The following SLC4A10 variants were observed in gnomAD, a reference collection of about 807,000 sequenced individuals.
SLC4A10 encodes the protein solute carrier family 4 member 10.
In SLC4A10, 42 loss-of-function variants were observed where a neutral mutation model predicts 137.7. That is an observed-to-expected ratio of 0.30 (90% CI 0.24 to 0.39). SLC4A10 has a LOEUF of 0.39. Among genes scored for constraint, SLC4A10 ranks in the 10% least tolerant of loss-of-function variants. The pLI is 1.00. For synonymous variants in SLC4A10, 474 were observed against 464.1 expected, an observed-to-expected ratio of 1.02 and a Z score of -0.27; for missense variants, 925 against 1,355.0, an observed-to-expected ratio of 0.68 and a Z score of 4.98.
At chr2:161,712,390 T>TA (rs943591628) in intron 1 of SLC4A10, among the ~76,000 whole-genome samples, 3 of 150,560 alleles carry the variant, frequency 2.0e-5, no homozygotes, top group African/African-American at 4.9e-5. Context: ...AATTAAGGGG[T>TA]AAAAAAAAGC....
rs1216322829 is a variant in SLC4A10, at chr2:161,725,564, G to A, written c.49-45409G>A. Reference sequence around the variant, plus strand: ...TCAGAAAACCAAAATTTCAGTTCTAGTTCTAGCTCTCCTATTGGCTTGCCT... The same window carrying A: ...TCAGAAAACCAAAATTTCAGTTCTAATTCTAGCTCTCCTATTGGCTTGCCT... On this transcript the variant is annotated intron_variant, in intron 1 of 26. Transcript: ENST00000446997. Among the ~76,000 whole-genome samples, 3 of 152,124 alleles carry A rather than the reference G, an allele frequency of 2.0e-5. No individual in the cohort carries two copies. In the South Asian group the frequency reaches 6.2e-4, roughly 32 times the overall value.
chr2:161,898,580 A>G (rs1372851866), intron 11 of SLC4A10, among the ~76,000 whole-genome samples: 1 of 152,104 alleles, frequency 6.6e-6, no homozygotes, highest in Non-Finnish European at 1.5e-5. Context: ...AAATCCCAGC[A>G]TTTTAAATAT....
chr2:161,752,444 T>G (rs907726750), intron 1 of SLC4A10, among the ~76,000 whole-genome samples: 1 of 152,046 alleles, frequency 6.6e-6, no homozygotes, highest in African/African-American at 2.4e-5. Flanking sequence ...ACTAAACGCA[T>G]GGGCCTCTGT....
At chr2:161,918,405 C>T (rs942204324) in intron 15 of SLC4A10, among the ~76,000 whole-genome samples, 1 of 152,156 alleles carries the variant, frequency 6.6e-6, no homozygotes, top group African/African-American at 2.4e-5. Flanking sequence ...ATTCACCTAC[C>T]TTGGCCTCCC....
intron 1 of SLC4A10, among the ~76,000 whole-genome samples, chr2:161,644,916 T>C (rs1040535498): frequency 6.6e-6 from 1 of 152,166 alleles, no homozygotes; most frequent in African/African-American, 2.4e-5. Context: ...TGGACTACAA[T>C]TTGAAGTGAT....
At chr2:161,872,547 T>C (rs905310248) in intron 7 of SLC4A10, among the ~76,000 whole-genome samples, 163 bp downstream of exon 7, 3 of 93,860 alleles carry the variant, frequency 3.2e-5, no homozygotes, top group African/African-American at 4.3e-5. Context: ...CATGTAACAT[T>C]TTGCCTATTC....
intron 21 of SLC4A10, among the ~76,000 whole-genome samples, chr2:161,963,102 C>A (rs909608504): frequency 1.3e-5 from 2 of 151,864 alleles, no homozygotes; most frequent in Admixed American, 6.6e-5. Context: ...GGCCGAAGAA[C>A]AATAAACCAA....
chr2:161,624,566 G>C lies in SLC4A10; in HGVS notation c.48G>C (p.Thr16=). 2.6e-6 allele frequency: 4 copies of C among 1,552,934 alleles called. No homozygotes were observed. Among genetic ancestry groups the C allele is most frequent in the Non-Finnish European group, 3.5e-6 (4 of 1,147,776 alleles). ...CCCAAATGGAGCCGCTGCTGCCTACGGTAAGAGACAACCTGCTATCACATA... is the reference window on the plus strand; with the variant it reads ...CCCAAATGGAGCCGCTGCTGCCTACCGTAAGAGACAACCTGCTATCACATA... ...QGAQMEPLLP[T]RNDEEAVVDR... is the part of the protein sequence containing the mutation. Residue 16 remains threonine, a splice_region_variant and synonymous_variant, in exon 1 of 27, where the codon ACG becomes ACC. Transcript: ENST00000446997.
chr2:161,631,766 T>C (rs1470023790), intron 1 of SLC4A10, among the ~76,000 whole-genome samples: 5 of 151,784 alleles, frequency 3.3e-5, no homozygotes, highest in African/African-American at 9.7e-5. Context: ...GGTTCCTACA[T>C]TGAGCTTAAA....
chr2:161,905,526 G>T, intron 14 of SLC4A10, 116 bp from the exon 15 acceptor site: 1 of 1,382,240 alleles, frequency 7.2e-7, no homozygotes, highest in Non-Finnish European at 9.8e-7. Flanking sequence ...ATACTCATGG[G>T]ATGTGAAGCT....
At chr2:161,784,544 C>T (rs1433390472) in intron 2 of SLC4A10, among the ~76,000 whole-genome samples, 2 of 151,758 alleles carry the variant, frequency 1.3e-5, no homozygotes, top group African/African-American at 4.8e-5. Flanking sequence ...ATTGTACCAA[C>T]TATTATTTCT....
intron 15 of SLC4A10, among the ~76,000 whole-genome samples, chr2:161,916,816 A>C (rs1200464932): frequency 6.6e-6 from 1 of 151,748 alleles, no homozygotes; most frequent in Admixed American, 6.6e-5. Context: ...AAAATCACCT[A>C]CTCGAGAACT....
intron 23 of SLC4A10, among the ~76,000 whole-genome samples, chr2:161,969,215 C>T (rs1244435676): frequency 6.6e-6 from 1 of 152,110 alleles, no homozygotes; most frequent in African/African-American, 2.4e-5. Flanking sequence ...TCTTATGGCA[C>T]TGAGAAAACA....
chr2:161,865,042 A>G (rs1360057918), intron 6 of SLC4A10, among the ~76,000 whole-genome samples: 1 of 152,142 alleles, frequency 6.6e-6, no homozygotes, highest in East Asian at 1.9e-4. Flanking sequence ...CAGATAAGAT[A>G]TATGTCTTTA....
chr2:161,811,075 C>T (rs1366031681), intron 3 of SLC4A10, among the ~76,000 whole-genome samples: 2 of 151,896 alleles, frequency 1.3e-5, no homozygotes, highest in Middle Eastern at 3.2e-3. Context: ...CATGTTTTCA[C>T]ATTATCCCTT....
At chr2:161,938,453 C>T (rs1225173529) in intron 15 of SLC4A10, among the ~76,000 whole-genome samples, 6 of 151,498 alleles carry the variant, frequency 4.0e-5, no homozygotes, top group South Asian at 4.2e-4. Flanking sequence ...AAATCACATC[C>T]GAGTTCGTGT....
chr2:161,859,058 T>TC lies in SLC4A10; in HGVS notation c.578-3809dup, dbSNP rs1203094967. Among the ~76,000 whole-genome samples the TC allele has an allele frequency of 2.0e-5, 3 of 151,904 alleles. 1 individual carries two copies. In the East Asian group the frequency reaches 5.8e-4, roughly 29 times the overall value. On this transcript the variant is annotated intron_variant, in intron 5 of 26. Coordinates refer to ENST00000446997, the MANE Select transcript of SLC4A10 (RefSeq NM_001178015.2). The stretch of plus-strand genomic sequence containing the variant: ...AGAATTTAGGAACTTCGTATCATAT[T>TC]CCCCCCCACCTCTCCCAATATCTTT...
chr2:161,950,960 T>C, intron 19 of SLC4A10, 112 bp downstream of exon 19: 1 of 845,494 alleles, frequency 1.2e-6, no homozygotes, highest in South Asian at 2.3e-5. Flanking sequence ...TATAAAATAA[T>C]GTTTTTAGAT....
chr2:161,836,589 A>G (rs1403080564), intron 3 of SLC4A10, among the ~76,000 whole-genome samples: 4,300 of 70,224 alleles, frequency 0.061, 299 homozygotes, highest in Non-Finnish European at 0.082. Flanking sequence ...AGAAAGAAAG[A>G]AAGAAAGAAA....
Sources: gnomAD v4.1 joint callset for allele counts (sites outside exome capture counted in the v4.1 genomes callset) on GRCh38, gnomAD v4.1.1 for gene constraint, MANE v1.5 for transcripts, NCBI Gene and HGNC (gene_info 2026-07-23, HGNC 2026-07-21) for gene names.